HIBCH: variants seen among roughly 807,000 people sequenced by gnomAD.
The protein encoded by HIBCH is 3-hydroxyisobutyryl-CoA hydrolase, also known as 3-hydroxyisobutyryl-CoA hydrolase, mitochondrial.
HIBCH carries 50 observed loss-of-function variants against 58.2 expected under a neutral mutation model. The ratio of observed to expected loss-of-function variants is 0.86; its 90% CI spans 0.68 to 1.09. The LOEUF is 1.09. HIBCH is among the 50% of genes least tolerant of loss of function. The probability of loss-of-function intolerance (pLI) is 0.00; values close to 1 mark genes in which losing one functional copy is unlikely to be tolerated. For synonymous variants in HIBCH, 151 were observed against 146.9 expected, an observed-to-expected ratio of 1.03 and a Z score of -0.20; for missense variants, 450 against 449.7, an observed-to-expected ratio of 1.00 and a Z score of -0.01.
chr2:190,300,468 T>C (rs1688231931), intron 2 of HIBCH, among the ~76,000 whole-genome samples: 1 of 152,180 alleles, frequency 6.6e-6, no homozygotes, highest in African/African-American at 2.4e-5. Context: ...GTCTATCTTC[T>C]TCTAAAAAGT....
At chr2:190,244,170 C>T (rs952794914) in intron 11 of HIBCH, among the ~76,000 whole-genome samples, 16 of 151,124 alleles carry the variant, frequency 1.1e-4, no homozygotes, top group Admixed American at 5.9e-4. Context: ...CATATATATA[C>T]GAAAAATGCT....
chr2:190,248,019 G>A (rs1316928244), intron 9 of HIBCH, among the ~76,000 whole-genome samples: 1 of 152,108 alleles, frequency 6.6e-6, no homozygotes, highest in Non-Finnish European at 1.5e-5. Flanking sequence ...ATTCTCTGAG[G>A]CATGCCTATA....
At chr2:190,257,339 C>A (rs540539776) in intron 7 of HIBCH, among the ~76,000 whole-genome samples, 1 of 152,080 alleles carries the variant, frequency 6.6e-6, no homozygotes, top group South Asian at 2.1e-4. Context: ...TACAAGTGAA[C>A]TCAGGTTTCA....
rs1444747302 is a variant in HIBCH at position 190,254,036 on chromosome 2, C to A, written c.518-1729G>T. Among the ~76,000 whole-genome samples, 3 of 152,050 alleles carry A rather than the reference C, an allele frequency of 2.0e-5. No individual in the cohort carries two copies. The highest frequency in any genetic ancestry group is 2.0e-4 in the Admixed American group (3 of 15,266). On this transcript the variant is annotated intron_variant, in intron 7 of 13. Coordinates refer to ENST00000359678, the MANE Select transcript of HIBCH (RefSeq NM_014362.4). This position sits in a 1 kb window ranked among gnomAD's most constrained non-coding sequence, Gnocchi z 5.0. The stretch of plus-strand genomic sequence containing the variant: ...ACCTCTTGCTCAAGGTGCCTAAGCT[C>A]CATATTAGGCTACCTCCTCTTTCCT...
At position 190,205,155 on chromosome 2, in the gene HIBCH, G is replaced by A; in HGVS notation, c.1123C>T (p.His375Tyr). ...TCACTGCTTCCCAAAGACTTAAAGT[G>A]ATTATTCAAATCTTCCTCAGTAACT... The part of the protein sequence containing the change: ...KEVTEEDLNN[H>Y]FKSLGSSDLK... Residue 375 changes from histidine (H) to tyrosine (Y), a missense_variant, in exon 14 of 14, where the codon CAC becomes TAC. His to Tyr is a moderately conservative substitution (Grantham distance 83). Coordinates refer to ENST00000359678, the MANE Select transcript of HIBCH (RefSeq NM_014362.4). 1 of 1,608,920 alleles carries A rather than the reference G, an allele frequency of 6.2e-7. No individual in the cohort carries two copies. The highest frequency in any genetic ancestry group is 8.5e-7 in the Non-Finnish European group (1 of 1,176,490).
chr2:190,303,904 C>G (rs1023315711), intron 2 of HIBCH, among the ~76,000 whole-genome samples: 24 of 152,098 alleles, frequency 1.6e-4, no homozygotes, highest in African/African-American at 5.8e-4. Flanking sequence ...ATTAGAAGGG[C>G]ACTTTTCCTC....
chr2:190,229,815 CT>C (rs1686038378), intron 11 of HIBCH, among the ~76,000 whole-genome samples: 1 of 151,280 alleles, frequency 6.6e-6, no homozygotes, highest in South Asian at 2.1e-4. Context: ...CTAAGAGACA[CT>C]ACTATTAGAA....
At chr2:190,310,999 T>C (rs746251883) in intron 1 of HIBCH, 3 of 691,930 alleles carry the variant, frequency 4.3e-6, no homozygotes, top group Admixed American at 2.0e-5. Context: ...GGTAACTTTA[T>C]TCATAACTGC....
downstream of HIBCH, chr2:190,201,425 G>C (rs1218249797): frequency 1.8e-5 from 3 of 166,934 alleles, no homozygotes; most frequent in Non-Finnish European, 2.9e-5. Context: ...GGTAGACATT[G>C]AGTTTAAATG....
chr2:190,316,801 T>C (rs291459), intron 1 of HIBCH, among the ~76,000 whole-genome samples: 84,705 of 151,998 alleles, frequency 0.56, 24,336 homozygotes, highest in South Asian at 0.61. Flanking sequence ...AACAACTAAC[T>C]AGAAGTAAAA....
intron 1 of HIBCH, among the ~76,000 whole-genome samples, chr2:190,198,504 G>T (rs1380433286): frequency 1.3e-5 from 2 of 151,794 alleles, no homozygotes; most frequent in African/African-American, 4.8e-5. Flanking sequence ...ATGGTGACTT[G>T]TGCCTGCAGG....
chr2:190,197,866 G>C lies in HIBCH; in HGVS notation c.*17+7234C>G, dbSNP rs981184098. 1.3e-5 allele frequency among the ~76,000 whole-genome samples: 2 copies of C among 151,932 alleles called. No homozygotes were observed. Among genetic ancestry groups the C allele is most frequent in the Non-Finnish European group, 2.9e-5 (2 of 68,020 alleles). ...AACAGAATATTCTGATGGTTCCACT[G>C]ATGGTTCCACTCACAGCCTTTTATT... On this transcript the variant is annotated intron_variant, in intron 1 of 1. Transcript: ENST00000399855. This position sits in a 1 kb window ranked among gnomAD's most constrained non-coding sequence, Gnocchi z 4.0.
chr2:190,213,152 G>T, intron 11 of HIBCH, 77 bp from the exon 12 acceptor site: 1 of 1,164,594 alleles, frequency 8.6e-7, no homozygotes, highest in Non-Finnish European at 1.3e-6. Flanking sequence ...GAGTGTCTAT[G>T]TAAATAATAT....
At chr2:190,265,029 A>C (rs1687193136) in intron 6 of HIBCH, among the ~76,000 whole-genome samples, 1 of 148,496 alleles carries the variant, frequency 6.7e-6, no homozygotes, top group African/African-American at 2.5e-5. Context: ...AGGCTGAGGC[A>C]GGAGAATTGC....
At chr2:190,286,605 T>C (rs1687832654) in intron 6 of HIBCH, among the ~76,000 whole-genome samples, 1 of 152,210 alleles carries the variant, frequency 6.6e-6, no homozygotes, top group South Asian at 2.1e-4. Context: ...CCCTCACTTC[T>C]TCAAAGGCTA....
Position 190,250,372 on chromosome 2 carries a change from T to TA in HIBCH, c.664-647dup, listed in dbSNP as rs771547837. The TA allele has an allele frequency of 4.9e-4, 229 of 470,168 alleles. 1 individual carries two copies. Among genetic ancestry groups the TA allele is most frequent in the Admixed American group, 1.2e-4 (5 of 42,388 alleles). The allele number at this position is 470,168 out of a possible 1,614,324, so 29.1% of individuals were successfully genotyped here. A position where few individuals can be genotyped will look rare whatever the true frequency, so the allele number is the denominator to read the frequency against. On this transcript the variant is annotated intron_variant, in intron 8 of 13. Coordinates refer to ENST00000359678, the MANE Select transcript of HIBCH (RefSeq NM_014362.4). ...ATTTTCTTTGTATTGTTTTTACACT[T>TA]ACCATACTTTACCTCTGCCAGATGA...
intron 11 of HIBCH, among the ~76,000 whole-genome samples, chr2:190,225,030 T>G (rs1404159905): frequency 6.6e-6 from 1 of 152,158 alleles, no homozygotes; most frequent in Non-Finnish European, 1.5e-5. Flanking sequence ...ACTAGGTACA[T>G]AACGAAATGA....
intron 6 of HIBCH, among the ~76,000 whole-genome samples, chr2:190,272,380 A>C (rs1443907165): frequency 1.3e-5 from 2 of 152,188 alleles, no homozygotes; most frequent in East Asian, 3.9e-4. Context: ...CGAAGCTCAC[A>C]TATCCATATA....
At chr2:190,233,360 G>A (rs1686168389) in intron 11 of HIBCH, among the ~76,000 whole-genome samples, 1 of 152,166 alleles carries the variant, frequency 6.6e-6, no homozygotes, top group South Asian at 2.1e-4. Flanking sequence ...CGTGTTGTGA[G>A]ACAGACCCAG....
Sources: gnomAD v4.1 joint callset for allele counts (sites outside exome capture counted in the v4.1 genomes callset) on GRCh38, gnomAD v4.1.1 for gene constraint, Gnocchi (gnomAD v3.1) non-coding constraint, MANE v1.5 for transcripts, NCBI Gene and HGNC (gene_info 2026-07-23, HGNC 2026-07-21) for gene names.